The following GRIN1 variants were observed in gnomAD, a reference collection of about 807,000 sequenced individuals.
GRIN1 encodes glutamate receptor ionotropic, NMDA 1.
GRIN1 carries 38 observed loss-of-function variants against 103.0 expected under a neutral mutation model. That is an observed-to-expected ratio of 0.37 (90% CI 0.28 to 0.48). GRIN1 has a LOEUF of 0.48. Ranked by LOEUF, GRIN1 falls within the 20% of genes least tolerant of loss-of-function variation. The probability of loss-of-function intolerance (pLI) is 0.98; values close to 1 mark genes in which losing one functional copy is unlikely to be tolerated. For synonymous variants in GRIN1, 544 were observed against 532.7 expected, an observed-to-expected ratio of 1.02 and a Z score of -0.29; for missense variants, 577 against 1,288.9, an observed-to-expected ratio of 0.45 and a Z score of 8.46.
intron 8 of GRIN1, among the ~76,000 whole-genome samples, chr9:137,160,459 T>C (rs1216644098): frequency 6.6e-6 from 1 of 151,864 alleles, no homozygotes; most frequent in Non-Finnish European, 1.5e-5. Flanking sequence ...AGACAGAGTC[T>C]CGCTCTGTCG....
chr9:137,147,704 G>A (rs930366582), intron 3 of GRIN1, among the ~76,000 whole-genome samples: 41 of 152,354 alleles, frequency 2.7e-4, no homozygotes, highest in African/African-American at 8.9e-4. Context: ...TCGGTCTCTT[G>A]AGAGGCAGAG....
chr9:137,155,422 C>T (rs763317461), intron 4 of GRIN1, among the ~76,000 whole-genome samples: 40 of 152,332 alleles, frequency 2.6e-4, no homozygotes, highest in Middle Eastern at 3.4e-3. Flanking sequence ...CCAATAGCAT[C>T]GTTATGTAGA....
rs2131273940 is a variant in GRIN1, at chr9:137,157,118, T to C, written c.968+81T>C. 4.2e-6 allele frequency: 4 copies of C among 962,418 alleles called. No individual in the cohort carries two copies. In the South Asian group the frequency reaches 6.2e-5, roughly 15 times the overall value. 59.6% of individuals were successfully genotyped at this position (962,418 alleles called of 1,614,324 possible). Reference sequence around the variant, plus strand: ...TCACTCCAGAGATGGGCGGGGCCGCTCTTGGGGAGGTGGGCGGGGCCACTC... The same window carrying C: ...TCACTCCAGAGATGGGCGGGGCCGCCCTTGGGGAGGTGGGCGGGGCCACTC... On this transcript the variant is annotated intron_variant, in intron 6 of 19. Transcript: ENST00000371561.
rs1833534612 is a variant in GRIN1 at position 137,161,431 on chromosome 9, G to A, written c.1467+15G>A. 1 of 1,607,262 alleles carries A rather than the reference G, an allele frequency of 6.2e-7. No homozygotes were observed. The highest frequency in any genetic ancestry group is 8.5e-7 in the Non-Finnish European group (1 of 1,177,292). ...CACAGGAGCGGGTAGGCTGGACGGC[G>A]GGGGTGGGGACCAGCGTGAGAGGGG... On this transcript the variant is annotated intron_variant, in intron 10 of 19. Coordinates refer to ENST00000371561, the MANE Select transcript of GRIN1 (RefSeq NM_007327.4).
At chr9:137,150,274 G>T (rs932741378) in intron 4 of GRIN1, among the ~76,000 whole-genome samples, 20 of 152,262 alleles carry the variant, frequency 1.3e-4, no homozygotes, top group Non-Finnish European at 1.0e-4. Context: ...AAGTCCCAAG[G>T]GTATGCACAG....
At chr9:137,143,570 G>C (rs983760355) in intron 2 of GRIN1, among the ~76,000 whole-genome samples, 3 of 152,244 alleles carry the variant, frequency 2.0e-5, no homozygotes, top group African/African-American at 7.2e-5. Context: ...AGGCCAAAGG[G>C]AGGGGGCACA....
At chr9:137,165,357 TC>T (rs1252566768) in intron 19 of GRIN1, 61 bp downstream of exon 19, 1 of 1,028,730 alleles carries the variant, frequency 9.7e-7, no homozygotes, top group African/African-American at 1.6e-5. Flanking sequence ...TGCGTGTGTC[TC>T]CCGCCCCATC....
rs1833530047 is a variant in GRIN1, at chr9:137,161,329, C to T, written c.1380C>T (p.Ile460=). 4 of 1,612,662 alleles carry T rather than the reference C, an allele frequency of 2.5e-6. No individual in the cohort carries two copies. The highest frequency in any genetic ancestry group is 3.4e-6 in the Non-Finnish European group (4 of 1,179,788). Residue 460 remains isoleucine, a synonymous_variant, in exon 10 of 20, where the codon ATC becomes ATT. Coordinates refer to ENST00000371561, the MANE Select transcript of GRIN1 (RefSeq NM_007327.4). ...TVPQCCYGFC[I]DLLIKLARTM... ...CTCAGTGTTGCTACGGCTTTTGCATCGACCTGCTCATCAAGCTGGCACGGA... is the reference window on the plus strand; with the variant it reads ...CTCAGTGTTGCTACGGCTTTTGCATTGACCTGCTCATCAAGCTGGCACGGA...
At chr9:137,154,020 C>G (rs187286419) in intron 4 of GRIN1, among the ~76,000 whole-genome samples, 1 of 151,610 alleles carries the variant, frequency 6.6e-6, no homozygotes, top group African/African-American at 2.4e-5. Flanking sequence ...CCATGTTGGC[C>G]AGGCTGGTCT....
chr9:137,162,299 G>A lies in GRIN1; in HGVS notation c.1751+9G>A. The A allele has an allele frequency of 1.9e-6, 3 of 1,546,722 alleles. No individual in the cohort carries two copies. Among genetic ancestry groups the A allele is most frequent in the Non-Finnish European group, 2.6e-6 (3 of 1,149,348 alleles). On this transcript the variant is annotated intron_variant, in intron 12 of 19. Coordinates refer to ENST00000371561, the MANE Select transcript of GRIN1 (RefSeq NM_007327.4). ...CTGCTGGACCGCTTCAGGTGAGCGC[G>A]ACCCGGGGCTCAGACACCTCCATCT...
At chr9:137,153,008 T>C (rs1465006530) in intron 4 of GRIN1, among the ~76,000 whole-genome samples, 1 of 151,194 alleles carries the variant, frequency 6.6e-6, no homozygotes, top group Non-Finnish European at 1.5e-5. Context: ...CTCATACATC[T>C]CTACTCACAC....
intron 1 of GRIN1, among the ~76,000 whole-genome samples, chr9:137,140,369 T>G (rs921050209): frequency 6.6e-6 from 1 of 152,162 alleles, no homozygotes; most frequent in Admixed American, 6.5e-5. Context: ...GCCGAGCGCC[T>G]GCTGAATTCC....
chr9:137,160,888 G>C (rs540203816), intron 8 of GRIN1, among the ~76,000 whole-genome samples, 168 bp from the exon 9 acceptor site: 2 of 152,330 alleles, frequency 1.3e-5, no homozygotes, highest in South Asian at 4.1e-4. Context: ...ACTTGGGCTC[G>C]TGAAGAAGCT....
chr9:137,142,161 C>T lies in GRIN1; in HGVS notation c.393+14C>T, dbSNP rs1160397122. On this transcript the variant is annotated intron_variant, in intron 2 of 19. Coordinates refer to ENST00000371561, the MANE Select transcript of GRIN1 (RefSeq NM_007327.4). ...TACTCGGACAAGGTAAGCCTGACTGCCAGACCAGGCCTTCCGGCCCTCGGC... is the reference window on the plus strand; with the variant it reads ...TACTCGGACAAGGTAAGCCTGACTGTCAGACCAGGCCTTCCGGCCCTCGGC... 1.9e-6 allele frequency: 3 copies of T among 1,613,600 alleles called. No homozygotes were observed. Among genetic ancestry groups the T allele is most frequent in the Non-Finnish European group, 2.5e-6 (3 of 1,179,892 alleles).
intron 18 of GRIN1, chr9:137,164,432 C>G (rs1833750725): frequency 4.5e-6 from 1 of 224,634 alleles, no homozygotes; most frequent in African/African-American, 2.3e-5. Context: ...CACGGCCCAC[C>G]TGGGACAGGG....
chr9:137,145,840 G>A lies in GRIN1; in HGVS notation c.508G>A (p.Asp170Asn), dbSNP rs759723312. The A allele has an allele frequency of 1.2e-6, 2 of 1,612,252 alleles. No homozygotes were observed. Among genetic ancestry groups the A allele is most frequent in the Admixed American group, 1.7e-5 (1 of 59,816 alleles). ...CCACATCATCCTGCTGGTCAGCGAC[G>A]ACCACGAGGGCCGGGCGGCTCAGAA... ...WNHIILLVSD[D>N]HEGRAAQKRL... Residue 170 changes from aspartate (D) to asparagine (N), a missense_variant, in exon 3 of 20, where the codon GAC (aspartate) becomes AAC (asparagine). This residue lies in a region of GRIN1 where 308 missense variants were observed against 553.6 expected (regional missense o/e 0.56). Coordinates refer to ENST00000371561, the MANE Select transcript of GRIN1 (RefSeq NM_007327.4).
intron 4 of GRIN1, among the ~76,000 whole-genome samples, chr9:137,154,317 GT>G (rs1243842347): frequency 6.6e-6 from 1 of 150,554 alleles, no homozygotes; most frequent in Non-Finnish European, 1.5e-5. Flanking sequence ...TAGAGACTGG[GT>G]TTCGCCATGT....
Position 137,149,277 on chromosome 9 carries a change from G to A in GRIN1, c.671+168G>A, listed in dbSNP as rs564114356. Reference sequence around the variant, plus strand: ...CCCCACCCGCACCCACACTCCTATCGGCATGGCTGATGTGACACCCTCCAT... The same window carrying A: ...CCCCACCCGCACCCACACTCCTATCAGCATGGCTGATGTGACACCCTCCAT... On this transcript the variant is annotated intron_variant, in intron 4 of 19. Transcript: ENST00000371561. Among the ~76,000 whole-genome samples the A allele has an allele frequency of 2.0e-3, 299 of 149,456 alleles. 3 individuals carry two copies. Among genetic ancestry groups the A allele is most frequent in the Non-Finnish European group, 6.4e-4 (43 of 67,478 alleles).
chr9:137,152,858 C>T (rs1380109086), intron 4 of GRIN1, among the ~76,000 whole-genome samples: 1 of 152,100 alleles, frequency 6.6e-6, no homozygotes, highest in Non-Finnish European at 1.5e-5. Context: ...ATGCATACAT[C>T]TCTACCCACA....
Sources: gnomAD v4.1 joint callset for allele counts (sites outside exome capture counted in the v4.1 genomes callset) on GRCh38, gnomAD v4.1.1 for gene constraint, gnomAD v4.1.1 regional missense constraint, MANE v1.5 for transcripts, NCBI Gene and HGNC (gene_info 2026-07-23, HGNC 2026-07-21) for gene names.